The following FSTL5 variants were observed in gnomAD, a reference collection of about 807,000 sequenced individuals.
FSTL5 encodes the protein follistatin-related protein 5.
FSTL5 carries 62 observed loss-of-function variants against 89.1 expected under a neutral mutation model. The observed-to-expected ratio is 0.70, with a 90% confidence interval of 0.57 to 0.86. The LOEUF (loss-of-function observed/expected upper bound fraction) is 0.86. Among genes scored for constraint, FSTL5 ranks in the 40% least tolerant of loss-of-function variants. FSTL5 has a pLI of 0.00. For synonymous variants in FSTL5, 383 were observed against 346.2 expected (o/e 1.11, Z -1.18); for missense variants, 1,057 against 1,001.6 (o/e 1.06, Z -0.75).
intron 4 of FSTL5, among the ~76,000 whole-genome samples, chr4:161,856,524 A>G (rs1264504094): frequency 6.6e-6 from 1 of 151,816 alleles, no homozygotes; most frequent in Non-Finnish European, 1.5e-5. Flanking sequence ...TTTGCTAGGT[A>G]CTCTTCTCAA....
At chr4:162,150,085 A>G (rs1733168585) in intron 1 of FSTL5, among the ~76,000 whole-genome samples, 3 of 152,172 alleles carry the variant, frequency 2.0e-5, no homozygotes, top group Admixed American at 2.0e-4. Flanking sequence ...AGAATAATAT[A>G]TTTTGTTTGG....
At chr4:161,670,821 T>C (rs1737074966) in intron 6 of FSTL5, among the ~76,000 whole-genome samples, 1 of 152,146 alleles carries the variant, frequency 6.6e-6, no homozygotes, top group African/African-American at 2.4e-5. Flanking sequence ...AATTTAACAA[T>C]TCATCCAGAA....
intron 1 of FSTL5, among the ~76,000 whole-genome samples, chr4:162,157,812 T>G (rs1367240610): frequency 6.6e-6 from 1 of 152,094 alleles, no homozygotes; most frequent in African/African-American, 2.4e-5. Context: ...CTGGCACACC[T>G]GGGAGCTGTG....
At chr4:162,044,975 T>C (rs1252219815) in intron 2 of FSTL5, among the ~76,000 whole-genome samples, 3 of 152,138 alleles carry the variant, frequency 2.0e-5, no homozygotes, top group Non-Finnish European at 2.9e-5. Flanking sequence ...GAAACTTTCT[T>C]CATATCAGAA....
At chr4:161,750,625 A>G (rs964174580) in intron 6 of FSTL5, among the ~76,000 whole-genome samples, 1 of 152,170 alleles carries the variant, frequency 6.6e-6, no homozygotes, top group Non-Finnish European at 1.5e-5. Flanking sequence ...ATGATAATAC[A>G]TAGAGTGTTA....
chr4:162,011,815 C>T (rs148337050), intron 3 of FSTL5, among the ~76,000 whole-genome samples: 1 of 151,930 alleles, frequency 6.6e-6, no homozygotes, highest in African/African-American at 2.4e-5. Flanking sequence ...ACTCTGTTAA[C>T]CCTTACACTT....
At chr4:161,434,893 A>C (rs539728601) in intron 15 of FSTL5, among the ~76,000 whole-genome samples, 1 of 152,236 alleles carries the variant, frequency 6.6e-6, no homozygotes, top group South Asian at 2.1e-4. Flanking sequence ...CTCCAGTTAA[A>C]ATGGCTTTTA....
chr4:162,153,653 A>G (rs1359499131), intron 1 of FSTL5, among the ~76,000 whole-genome samples: 1 of 120,950 alleles, frequency 8.3e-6, no homozygotes, highest in Non-Finnish European at 1.7e-5. Flanking sequence ...TATATTATAT[A>G]TGTATATAAT....
rs1055527908 is a variant in FSTL5 at position 161,682,747 on chromosome 4, C to CT, written c.728-26254dup. Among the ~76,000 whole-genome samples, 806 of 148,556 alleles carry CT rather than the reference C, an allele frequency of 5.4e-3. 7 individuals are homozygous for CT. The highest frequency in any genetic ancestry group is 0.018 in the African/African-American group (743 of 40,628). On this transcript the variant is annotated intron_variant, in intron 6 of 15. Transcript: ENST00000306100. ...TGAGGCTGTTTTACAGTTAACTTTC[C>CT]TTTTTTTTTTATTTTTTGAGATGGA...
chr4:161,487,008 A>C (rs1399050562), intron 12 of FSTL5, among the ~76,000 whole-genome samples: 1 of 152,178 alleles, frequency 6.6e-6, no homozygotes, highest in African/African-American at 2.4e-5. Flanking sequence ...TTTGGCAGCC[A>C]AATTTCCAAC....
At chr4:162,139,190 T>A (rs1486450107) in intron 1 of FSTL5, among the ~76,000 whole-genome samples, 5 of 152,064 alleles carry the variant, frequency 3.3e-5, no homozygotes, top group Non-Finnish European at 7.4e-5. Context: ...AGAAAAAGAA[T>A]GAACATTGTA....
chr4:161,671,629 G>C (rs1022295798), intron 6 of FSTL5, among the ~76,000 whole-genome samples: 1 of 152,008 alleles, frequency 6.6e-6, no homozygotes, highest in African/African-American at 2.4e-5. Flanking sequence ...TAATTAGAGA[G>C]TGCATGAAAA....
At chr4:161,622,589 C>T (rs1462419498) in intron 7 of FSTL5, among the ~76,000 whole-genome samples, 3 of 151,496 alleles carry the variant, frequency 2.0e-5, no homozygotes, top group South Asian at 2.1e-4. Context: ...AGTGGAGTTA[C>T]CATTGGGGTG....
intron 3 of FSTL5, among the ~76,000 whole-genome samples, chr4:162,007,229 T>A (rs1736639203): frequency 6.6e-6 from 1 of 151,874 alleles, no homozygotes; most frequent in African/African-American, 2.4e-5. Context: ...ATTTAGGCAA[T>A]TCATCCTTCA....
At chr4:161,543,716 A>G (rs1429508364) in intron 8 of FSTL5, among the ~76,000 whole-genome samples, 1 of 151,460 alleles carries the variant, frequency 6.6e-6, no homozygotes, top group Non-Finnish European at 1.5e-5. Context: ...GCAAGAAAAT[A>G]AGCCTGAACT....
At chr4:162,009,357 G>A (rs1475507973) in intron 3 of FSTL5, among the ~76,000 whole-genome samples, 3 of 152,066 alleles carry the variant, frequency 2.0e-5, no homozygotes, top group African/African-American at 7.2e-5. Context: ...GCTAGGATCT[G>A]GGGCAGGGGC....
chr4:161,535,350 T>G (rs558079500), intron 10 of FSTL5, among the ~76,000 whole-genome samples: 2 of 152,020 alleles, frequency 1.3e-5, no homozygotes, highest in South Asian at 2.1e-4. Flanking sequence ...AATACTAATA[T>G]CCAGAATCTA....
chr4:161,408,117 T>C (rs567779658), intron 15 of FSTL5, among the ~76,000 whole-genome samples: 4 of 152,120 alleles, frequency 2.6e-5, no homozygotes, highest in Admixed American at 6.5e-5. Flanking sequence ...TGGTAACAGT[T>C]TGGCATTGGA....
chr4:161,721,090 A>G (rs997801160), intron 6 of FSTL5, among the ~76,000 whole-genome samples: 1 of 151,336 alleles, frequency 6.6e-6, no homozygotes, highest in Non-Finnish European at 1.5e-5. Context: ...CATCCTGGCT[A>G]ACAAGGTGAA....
Sources: gnomAD v4.1 joint callset for allele counts (sites outside exome capture counted in the v4.1 genomes callset) on GRCh38, gnomAD v4.1.1 for gene constraint, MANE v1.5 for transcripts, NCBI Gene and HGNC (gene_info 2026-07-23, HGNC 2026-07-21) for gene names.